Variants in WDR37 observed in about 807,000 individuals in gnomAD.
The protein encoded by WDR37 is WD repeat-containing protein 37.
Under a neutral mutation model 62.9 loss-of-function variants are expected in WDR37, and 19 were observed. The observed-to-expected ratio is 0.30, with a 90% confidence interval of 0.21 to 0.44. WDR37 has a LOEUF of 0.44. WDR37 is among the 20% of genes least tolerant of loss of function. The probability of loss-of-function intolerance (pLI) is 1.00; values close to 1 mark genes in which losing one functional copy is unlikely to be tolerated. For synonymous variants in WDR37, 250 were observed against 260.9 expected (o/e 0.96, Z 0.40); for missense variants, 474 against 657.6 (o/e 0.72, Z 3.05).
In WDR37 at chr10:1,076,673, C is replaced by T. The variant is rs1407824055; in HGVS notation, c.139-1234C>T. Among the ~76,000 whole-genome samples, 218 of 97,012 alleles carry T rather than the reference C, an allele frequency of 2.2e-3. No individual in the cohort carries two copies. In the Middle Eastern group the frequency reaches 0.04, roughly 18 times the overall value. 63.6% of individuals were successfully genotyped at this position (97,012 alleles called of 152,430 possible). ...CAGCCTGGGTGACAGAGCGAGACTC[C>T]ATCTCAAAAAAAAAAAAAAAAGTTT... On this transcript the variant is annotated intron_variant, in intron 2 of 13. Transcript: ENST00000263150.
intron 11 of WDR37, among the ~76,000 whole-genome samples, chr10:1,117,275 G>A (rs1368609174): frequency 1.3e-5 from 2 of 152,094 alleles, no homozygotes; most frequent in South Asian, 2.1e-4. Context: ...GGCTGCTCTC[G>A]AAATCTTGGC....
chr10:1,102,849 T>C (rs1217242314), intron 9 of WDR37, among the ~76,000 whole-genome samples: 1 of 152,194 alleles, frequency 6.6e-6, no homozygotes, highest in Admixed American at 6.5e-5. Flanking sequence ...TCTCTCTCTT[T>C]TGCTAGAACA....
intron 3 of WDR37, among the ~76,000 whole-genome samples, chr10:1,078,479 C>G (rs1462982317): frequency 6.6e-6 from 1 of 152,228 alleles, no homozygotes; most frequent in Non-Finnish European, 1.5e-5. Context: ...CATTACCCCT[C>G]AAGCCCATCG....
intron 9 of WDR37, chr10:1,096,450 A>G (rs1458226469): frequency 3.3e-6 from 2 of 601,368 alleles, no homozygotes; most frequent in Middle Eastern, 3.9e-4. Context: ...GGTCCTCATA[A>G]GAGGAGACAG....
intron 2 of WDR37, among the ~76,000 whole-genome samples, chr10:1,073,216 G>A (rs1011762211): frequency 1.2e-4 from 18 of 152,100 alleles, no homozygotes; most frequent in African/African-American, 3.9e-4. Flanking sequence ...GGTTATATAT[G>A]TATATAACTA....
At chr10:1,095,653 C>CT (rs1834550646) in intron 8 of WDR37, among the ~76,000 whole-genome samples, 1 of 152,184 alleles carries the variant, frequency 6.6e-6, no homozygotes, top group Admixed American at 6.5e-5. Context: ...GTCCTTTTGT[C>CT]TTTCCAATCC....
chr10:1,066,291 AT>A (rs749175719), intron 1 of WDR37, among the ~76,000 whole-genome samples: 46 of 152,124 alleles, frequency 3.0e-4, no homozygotes, highest in Middle Eastern at 3.4e-3. Context: ...AATTTTTTGT[AT>A]TTTTTAGTAG....
Position 1,108,749 on chromosome 10 carries a change from C to CG in WDR37, c.1103+3482_1103+3483insG, listed in dbSNP as rs1554825263. Among the ~76,000 whole-genome samples, 25 of 128,140 alleles carry CG rather than the reference C, an allele frequency of 2.0e-4. 1 individual carries two copies. Among genetic ancestry groups the CG allele is most frequent in the Non-Finnish European group, 2.6e-4 (15 of 57,864 alleles). The allele number at this position is 128,140 out of a possible 152,430, so 84.1% of individuals were successfully genotyped here. On this transcript the variant is annotated intron_variant, in intron 11 of 13. Transcript: ENST00000263150. ...TTTGGCTTCTGTGATGCCCCCCCCC[C>CG]CCGTGGAACCTGCAGGGCCCTGAGT...
At chr10:1,120,679 A>G (rs1238320752) in intron 11 of WDR37, among the ~76,000 whole-genome samples, 1 of 152,228 alleles carries the variant, frequency 6.6e-6, no homozygotes, top group African/African-American at 2.4e-5. Flanking sequence ...AGATGTGAAC[A>G]CATTACCTTG....
chr10:1,129,452 G>C lies in WDR37; in HGVS notation c.*108G>C. 4.0e-6 allele frequency: 6 copies of C among 1,505,162 alleles called. No individual in the cohort carries two copies. Among genetic ancestry groups the C allele is most frequent in the Non-Finnish European group, 5.4e-6 (6 of 1,107,522 alleles). The allele number at this position is 1,505,162 out of a possible 1,614,324, so 93.2% of individuals were successfully genotyped here. ...TTTTGTGAGAGTTTGACCCTGGAAA[G>C]GGTGCTTTGTATATGTTCTTTTCAC... On this transcript the variant is annotated 3_prime_UTR_variant, in exon 14 of 14. Coordinates refer to ENST00000263150, the MANE Select transcript of WDR37 (RefSeq NM_014023.4).
intron 7 of WDR37, among the ~76,000 whole-genome samples, 170 bp downstream of exon 7, chr10:1,086,527 G>A (rs1834206803): frequency 6.6e-6 from 1 of 152,222 alleles, no homozygotes. Flanking sequence ...TCTTGAGCTT[G>A]TATGGGCTCA....
At chr10:1,118,826 C>T (rs1392428289) in intron 11 of WDR37, among the ~76,000 whole-genome samples, 5 of 152,190 alleles carry the variant, frequency 3.3e-5, no homozygotes, top group Admixed American at 6.5e-5. Flanking sequence ...CTGATGGCCC[C>T]GCAGCCTGGG....
intron 9 of WDR37, among the ~76,000 whole-genome samples, chr10:1,098,859 C>T (rs1834691963): frequency 6.6e-6 from 1 of 152,230 alleles, no homozygotes; most frequent in Non-Finnish European, 1.5e-5. Flanking sequence ...GCTCCTTCAC[C>T]TCTGTATGCA....
intron 1 of WDR37, among the ~76,000 whole-genome samples, chr10:1,064,244 C>T (rs1364931308): frequency 6.6e-6 from 1 of 152,104 alleles, no homozygotes; most frequent in Middle Eastern, 3.2e-3. Context: ...ATAGAAGTTA[C>T]CCAATCTGAA....
In WDR37 at chr10:1,108,748, C is replaced by G. The variant is rs907183522; in HGVS notation, c.1103+3481C>G. On this transcript the variant is annotated intron_variant, in intron 11 of 13. Transcript: ENST00000263150. Reference sequence around the variant, plus strand: ...TTTTGGCTTCTGTGATGCCCCCCCCCCCCGTGGAACCTGCAGGGCCCTGAG... The same window carrying G: ...TTTTGGCTTCTGTGATGCCCCCCCCGCCCGTGGAACCTGCAGGGCCCTGAG... 1.4e-5 allele frequency among the ~76,000 whole-genome samples: 2 copies of G among 140,864 alleles called. 1 individual carries two copies. The highest frequency in any genetic ancestry group is 5.4e-5 in the African/African-American group (2 of 36,870). 92.4% of individuals were successfully genotyped at this position (140,864 alleles called of 152,430 possible).
chr10:1,061,907 T>G (rs1394639677), intron 1 of WDR37, among the ~76,000 whole-genome samples: 1 of 152,018 alleles, frequency 6.6e-6, no homozygotes, highest in Non-Finnish European at 1.5e-5. Flanking sequence ...GAACTTTGAG[T>G]TTAGCCTTGG....
intron 5 of WDR37, among the ~76,000 whole-genome samples, chr10:1,082,504 C>T (rs374525816): frequency 3.9e-5 from 6 of 152,180 alleles, no homozygotes; most frequent in Non-Finnish European, 7.3e-5. Flanking sequence ...TTTTCACAAC[C>T]GTGCTTTAGA....
intron 8 of WDR37, among the ~76,000 whole-genome samples, chr10:1,095,226 ACTT>A (rs1357626198): frequency 6.7e-6 from 1 of 150,094 alleles, no homozygotes; most frequent in African/African-American, 2.5e-5. Context: ...GGAGAGTTAG[ACTT>A]GGAAACGTGA....
chr10:1,086,297 T>G lies in WDR37; in HGVS notation c.544T>G (p.Leu182Val). The G allele has an allele frequency of 6.2e-7, 1 of 1,614,178 alleles. No homozygotes were observed. The highest frequency in any genetic ancestry group is 8.5e-7 in the Non-Finnish European group (1 of 1,179,992). The change falls in exon 7 of 14, where the codon TTG becomes GTG. Residue 182 changes from leucine (L) to valine (V), a missense_variant. Transcript: ENST00000263150. ...TTTCCATCTTGCAGATCACACGGCT[T>G]TGCTGTGGAGCATAGAGACAGGGAA... ...LGTASADHTA[L>V]LWSIETGKCL...
Sources: gnomAD v4.1 joint callset for allele counts (sites outside exome capture counted in the v4.1 genomes callset) on GRCh38, gnomAD v4.1.1 for gene constraint, MANE v1.5 for transcripts, NCBI Gene and HGNC (gene_info 2026-07-23, HGNC 2026-07-21) for gene names.